Variants in FGFR1 observed in about 807,000 individuals in gnomAD.
The protein encoded by FGFR1 is fibroblast growth factor receptor 1.
In FGFR1, 18 loss-of-function variants were observed where a neutral mutation model predicts 93.7. The ratio of observed to expected loss-of-function variants is 0.19; its 90% CI spans 0.13 to 0.28. The LOEUF (loss-of-function observed/expected upper bound fraction) is 0.28, where lower values mean the gene tolerates loss of function less well. Ranked by LOEUF, FGFR1 falls within the 10% of genes least tolerant of loss-of-function variation. FGFR1 has a pLI of 1.00. For missense variants in FGFR1, 731 were observed against 1,080.4 expected, an observed-to-expected ratio of 0.68 and a Z score of 4.53; for synonymous variants, 448 against 429.3, an observed-to-expected ratio of 1.04 and a Z score of -0.54.
intron 10 of FGFR1, 30 bp from the exon 11 acceptor site, chr8:38,418,021 T>C (rs2150660556): frequency 6.2e-7 from 1 of 1,614,046 alleles, no homozygotes; most frequent in Non-Finnish European, 8.5e-7. Flanking sequence ...GTGGCATAAG[T>C]TGGGGCTGGT....
intron 1 of FGFR1, among the ~76,000 whole-genome samples, chr8:38,467,435 CG>C (rs1219321205): frequency 6.6e-6 from 1 of 152,118 alleles, no homozygotes; most frequent in Non-Finnish European, 1.5e-5. Flanking sequence ...CAGGCTTTCC[CG>C]GGGGTGGAAA....
chr8:38,424,849 TG>T lies in FGFR1; in HGVS notation c.746-151del. On this transcript the variant is annotated intron_variant, in intron 6 of 17. Coordinates refer to ENST00000447712, the MANE Select transcript of FGFR1 (RefSeq NM_023110.3). The surrounding 1 kb of genome is among the most constrained non-coding windows in gnomAD (Gnocchi z 4.3). Reference sequence around the variant, plus strand: ...GAGCCCAAGCCTCTCAAAACAGAGCTGGGGAAAGGGACACCCTCTCTTCAGG... The same window carrying T: ...GAGCCCAAGCCTCTCAAAACAGAGCTGGGAAAGGGACACCCTCTCTTCAGG... The T allele has an allele frequency of 2.6e-6, 2 of 756,286 alleles. No homozygotes were observed. Among genetic ancestry groups the T allele is most frequent in the Non-Finnish European group, 4.2e-6 (2 of 475,264 alleles). 46.8% of individuals were successfully genotyped at this position (756,286 alleles called of 1,614,324 possible).
intron 2 of FGFR1, among the ~76,000 whole-genome samples, chr8:38,450,444 CG>C (rs1563600535): frequency 6.6e-6 from 1 of 152,178 alleles, no homozygotes. Flanking sequence ...AGCTGCTGGT[CG>C]GGCTCTCTGA....
chr8:38,444,241 G>A (rs1442346125), intron 2 of FGFR1, among the ~76,000 whole-genome samples: 4 of 152,066 alleles, frequency 2.6e-5, no homozygotes, highest in Admixed American at 2.6e-4. Flanking sequence ...CGAATTTCCA[G>A]GAGAGCTTGG....
intron 2 of FGFR1, among the ~76,000 whole-genome samples, chr8:38,456,050 A>T (rs1832731387): frequency 6.6e-6 from 1 of 152,086 alleles, no homozygotes; most frequent in African/African-American, 2.4e-5. Flanking sequence ...ATAAAGTCTC[A>T]CACAACTTTC....
At chr8:38,418,141 C>T in intron 10 of FGFR1, 87 bp downstream of exon 10, 2 of 1,603,340 alleles carry the variant, frequency 1.2e-6, no homozygotes, top group Non-Finnish European at 1.7e-6. Flanking sequence ...CCTTCACCGC[C>T]CAGAAGGTGT....
intron 2 of FGFR1, among the ~76,000 whole-genome samples, chr8:38,453,215 A>G (rs141470841): frequency 5.4e-4 from 82 of 152,294 alleles, no homozygotes; most frequent in African/African-American, 1.9e-3. Flanking sequence ...TCCACCAAAC[A>G]GAGACCTGGG....
chr8:38,466,422 A>G, intron 1 of FGFR1: 1 of 231,648 alleles, frequency 4.3e-6, no homozygotes, highest in East Asian at 6.1e-5. Flanking sequence ...ACAGCCAAAG[A>G]GCCCCCCTAG....
chr8:38,444,467 C>T (rs991657194), intron 2 of FGFR1, among the ~76,000 whole-genome samples: 16 of 151,632 alleles, frequency 1.1e-4, no homozygotes, highest in African/African-American at 3.6e-4. Flanking sequence ...CAGCTCACTG[C>T]AGCCTCCACC....
At chr8:38,430,890 CAAG>C (rs1302153924) in intron 2 of FGFR1, 1 of 152,470 alleles carries the variant, frequency 6.6e-6, no homozygotes, top group Non-Finnish European at 1.5e-5. Context: ...CGCACGCGTT[CAAG>C]AAGGCCCGTG....
At chr8:38,440,450 T>A in intron 2 of FGFR1, 1 of 1,226,702 alleles carries the variant, frequency 8.2e-7, no homozygotes, top group Non-Finnish European at 1.1e-6. Flanking sequence ...GAAGGAGAGC[T>A]GCAAAAATGG....
intron 11 of FGFR1, 106 bp downstream of exon 11, chr8:38,417,764 G>A (rs373797612): frequency 6.6e-7 from 1 of 1,526,268 alleles, no homozygotes; most frequent in South Asian, 1.1e-5. Context: ...AGCGGAGCAG[G>A]TGTGGGCAGC....
At chr8:38,454,242 A>T (rs933638581) in intron 2 of FGFR1, among the ~76,000 whole-genome samples, 1 of 150,898 alleles carries the variant, frequency 6.6e-6, no homozygotes, top group Non-Finnish European at 1.5e-5. Flanking sequence ...AAAGTTCCTT[A>T]TACTCATCCC....
At chr8:38,440,239 T>C in intron 2 of FGFR1, 1 of 1,395,102 alleles carries the variant, frequency 7.2e-7, no homozygotes, top group Non-Finnish European at 1.0e-6. Context: ...GCAGCGGGGC[T>C]CCGGGGGCCC....
chr8:38,461,058 TCA>T (rs1363292757), intron 1 of FGFR1: 1 of 1,535,540 alleles, frequency 6.5e-7, no homozygotes, highest in Admixed American at 2.0e-5. Context: ...GGGGCACATC[TCA>T]GTTTCCCACT....
intron 1 of FGFR1, among the ~76,000 whole-genome samples, chr8:38,466,373 C>T (rs916785175): frequency 4.6e-5 from 7 of 152,248 alleles, no homozygotes; most frequent in Non-Finnish European, 1.0e-4. Context: ...GCTTTGGTTC[C>T]AGAAACTTCC....
At position 38,429,594 on chromosome 8, in the gene FGFR1, G is replaced by A. The variant is rs2150950797; in HGVS notation, c.358+88C>T. 7.3e-7 allele frequency: 1 copy of A among 1,373,556 alleles called. No individual in the cohort carries two copies. The highest frequency in any genetic ancestry group is 1.0e-6 in the Non-Finnish European group (1 of 995,554). 85.1% of individuals were successfully genotyped at this position (1,373,556 alleles called of 1,614,324 possible). A position where few individuals can be genotyped will look rare whatever the true frequency, so the allele number is the denominator to read the frequency against. ...CAGAGTGGGGGCAGATCACGGAGGG[G>A]GAGGAGGTTCACCTTCCTCTGAAAC... On this transcript the variant is annotated intron_variant, in intron 3 of 17. Transcript: ENST00000447712. The surrounding 1 kb of genome is among the most constrained non-coding windows in gnomAD (Gnocchi z 4.4).
chr8:38,420,602 A>G (rs1818354540), intron 8 of FGFR1, among the ~76,000 whole-genome samples: 1 of 152,010 alleles, frequency 6.6e-6, no homozygotes, highest in Admixed American at 6.5e-5. Context: ...CTTTCCCTTC[A>G]GCACGAGAGG....
intron 2 of FGFR1, among the ~76,000 whole-genome samples, chr8:38,447,972 T>C (rs972639715): frequency 6.6e-6 from 1 of 152,204 alleles, no homozygotes; most frequent in Non-Finnish European, 1.5e-5. Context: ...AATGCCCAAA[T>C]GTAGAGAACT....
Sources: gnomAD v4.1 joint callset for allele counts (sites outside exome capture counted in the v4.1 genomes callset) on GRCh38, gnomAD v4.1.1 for gene constraint, Gnocchi (gnomAD v3.1) non-coding constraint, MANE v1.5 for transcripts, NCBI Gene and HGNC (gene_info 2026-07-23, HGNC 2026-07-21) for gene names.